RASAL2: variants seen among roughly 807,000 people sequenced by gnomAD.
The protein encoded by RASAL2 is RAS protein activator like 2.
A neutral mutation model predicts 128.9 loss-of-function variants in RASAL2; 58 were observed. That is an observed-to-expected ratio of 0.45 (90% CI 0.36 to 0.56). RASAL2 has a LOEUF of 0.56. Among genes scored for constraint, RASAL2 ranks in the 20% least tolerant of loss-of-function variants. The pLI, the probability that RASAL2 is intolerant of heterozygous loss-of-function variation, is 0.00. For synonymous variants in RASAL2, 561 were observed against 580.8 expected (o/e 0.97, Z 0.49); for missense variants, 1,360 against 1,601.6 (o/e 0.85, Z 2.57).
chr1:178,391,734 T>C (rs1672918758), intron 4 of RASAL2, among the ~76,000 whole-genome samples: 1 of 152,158 alleles, frequency 6.6e-6, no homozygotes, highest in Admixed American at 6.5e-5. Context: ...GAATTTAGGA[T>C]AGCAGTACAA....
Position 178,105,399 on chromosome 1 carries a change from A to G in RASAL2, c.202+10705A>G, listed in dbSNP as rs555529393. Among the ~76,000 whole-genome samples the G allele has an allele frequency of 2.6e-5, 4 of 152,350 alleles. No homozygotes were observed. In the South Asian group the frequency reaches 8.3e-4, roughly 32 times the overall value. ...TTGTCTTGCTAGGCCAGAAAGGAGC[A>G]AACTTAGAAAAAGAACAAACTGTTT... On this transcript the variant is annotated intron_variant, in intron 1 of 17. Transcript: ENST00000367649.
intron 1 of RASAL2, among the ~76,000 whole-genome samples, chr1:178,247,340 C>T (rs74813515): frequency 0.085 from 12,106 of 142,692 alleles, 537 homozygotes; most frequent in Middle Eastern, 0.13. Flanking sequence ...CTAGAATTTC[C>T]GTTTTTTTTG....
At chr1:178,341,899 A>G (rs763858344) in intron 3 of RASAL2, among the ~76,000 whole-genome samples, 14 of 152,220 alleles carry the variant, frequency 9.2e-5, no homozygotes, top group African/African-American at 2.4e-5. Context: ...TGTTCTGTTA[A>G]TAATATGAAA....
chr1:178,282,671 G>T (rs1055862664), intron 1 of RASAL2, among the ~76,000 whole-genome samples: 1 of 152,038 alleles, frequency 6.6e-6, no homozygotes, highest in Non-Finnish European at 1.5e-5. Context: ...TTTTACTTTA[G>T]CATAATAACT....
chr1:178,306,754 C>T (rs546113416), intron 3 of RASAL2, among the ~76,000 whole-genome samples: 173 of 149,694 alleles, frequency 1.2e-3, no homozygotes, highest in African/African-American at 4.1e-3. Flanking sequence ...TGTTTGTTTT[C>T]TTCTTGTAAA....
intron 1 of RASAL2, among the ~76,000 whole-genome samples, chr1:178,238,965 C>T (rs1664379518): frequency 6.6e-6 from 1 of 151,996 alleles, no homozygotes; most frequent in African/African-American, 2.4e-5. Flanking sequence ...AAACCGTATC[C>T]TTATGAGTAC....
chr1:178,431,257 CA>C, intron 5 of RASAL2, among the ~76,000 whole-genome samples: 1 of 151,912 alleles, frequency 6.6e-6, no homozygotes. Context: ...TTAATTTTAA[CA>C]ATTAGGAAAA....
intron 3 of RASAL2, among the ~76,000 whole-genome samples, chr1:178,359,668 C>T (rs965670841): frequency 2.6e-5 from 4 of 152,120 alleles, no homozygotes; most frequent in Non-Finnish European, 5.9e-5. Flanking sequence ...AATGAAGATG[C>T]AATTAGGGAA....
chr1:178,445,738 T>G (rs1194135185), intron 9 of RASAL2, 76 bp downstream of exon 9: 1 of 1,423,630 alleles, frequency 7.0e-7, no homozygotes, highest in Non-Finnish European at 9.4e-7. Context: ...TGAGACGAAT[T>G]GAGCTCAAAT....
At chr1:178,312,703 C>T (rs906510847) in intron 3 of RASAL2, among the ~76,000 whole-genome samples, 3 of 152,062 alleles carry the variant, frequency 2.0e-5, no homozygotes, top group East Asian at 1.9e-4. Context: ...AAGGCTGTAG[C>T]GAGACTTTCC....
At chr1:178,190,945 A>G (rs1391776674) in intron 1 of RASAL2, among the ~76,000 whole-genome samples, 3 of 152,214 alleles carry the variant, frequency 2.0e-5, no homozygotes, top group Non-Finnish European at 4.4e-5. Flanking sequence ...AAGAATAGTA[A>G]GGATTAATGG....
chr1:178,181,780 T>G (rs911619344), intron 1 of RASAL2, among the ~76,000 whole-genome samples: 2 of 151,940 alleles, frequency 1.3e-5, no homozygotes, highest in Non-Finnish European at 2.9e-5. Flanking sequence ...ATTTGCAGTT[T>G]TTTTTTTTTT....
intron 1 of RASAL2, among the ~76,000 whole-genome samples, chr1:178,128,316 A>G (rs541229747): frequency 2.6e-5 from 4 of 152,136 alleles, no homozygotes; most frequent in Admixed American, 6.5e-5. Context: ...TGGTCATGCC[A>G]TTTATTAACT....
intron 1 of RASAL2, among the ~76,000 whole-genome samples, chr1:178,188,375 AT>A (rs1164147095): frequency 6.6e-6 from 1 of 152,072 alleles, no homozygotes; most frequent in African/African-American, 2.4e-5. Flanking sequence ...ATCTGGGATT[AT>A]TATAGGATTT....
chr1:178,375,200 C>G (rs1346055241), intron 3 of RASAL2, among the ~76,000 whole-genome samples: 2 of 152,004 alleles, frequency 1.3e-5, no homozygotes, highest in African/African-American at 4.8e-5. Flanking sequence ...TGTATGAAAG[C>G]AGTGTCCTGA....
At chr1:178,407,259 A>G (rs1674057193) in intron 4 of RASAL2, among the ~76,000 whole-genome samples, 2 of 152,254 alleles carry the variant, frequency 1.3e-5, no homozygotes. Flanking sequence ...TAACTGGAAG[A>G]TAAACTTAAG....
chr1:178,119,256 C>T (rs542465888), intron 1 of RASAL2, among the ~76,000 whole-genome samples: 2 of 152,248 alleles, frequency 1.3e-5, no homozygotes, highest in South Asian at 4.2e-4. Context: ...TGGAGTGGTT[C>T]TTATAACTCA....
At chr1:178,263,045 G>T (rs951228616) in intron 1 of RASAL2, among the ~76,000 whole-genome samples, 1 of 152,100 alleles carries the variant, frequency 6.6e-6, no homozygotes, top group Non-Finnish European at 1.5e-5. Flanking sequence ...GTATCAGATG[G>T]AAATATGTTT....
rs137885230 is a variant in RASAL2 at position 178,354,268 on chromosome 1, G to A, written c.458-35832G>A. Reference sequence around the variant, plus strand: ...AGGAGAAAAATCTTAAAATCATCTCGATTGAGCAAAAATGACATTTAATAA... The same window carrying A: ...AGGAGAAAAATCTTAAAATCATCTCAATTGAGCAAAAATGACATTTAATAA... On this transcript the variant is annotated intron_variant, in intron 3 of 17. Transcript: ENST00000367649. 4.3e-3 allele frequency among the ~76,000 whole-genome samples: 653 copies of A among 152,198 alleles called. 3 individuals are homozygous for A. Among genetic ancestry groups the A allele is most frequent in the Non-Finnish European group, 7.9e-3 (535 of 67,996 alleles).
Sources: allele counts gnomAD v4.1 joint callset (sites outside exome capture counted in the v4.1 genomes callset), GRCh38; gene constraint gnomAD v4.1.1; transcripts MANE v1.5; gene names NCBI Gene and HGNC (gene_info 2026-07-23, HGNC 2026-07-21).